The following PLCG2 variants were observed in gnomAD, a reference collection of about 807,000 sequenced individuals.
PLCG2 encodes phospholipase C gamma 2, also known as 1-phosphatidylinositol 4,5-bisphosphate phosphodiesterase gamma-2.
PLCG2 carries 69 observed loss-of-function variants against 175.6 expected under a neutral mutation model. That is an observed-to-expected ratio of 0.39 (90% confidence interval 0.32 to 0.48). The LOEUF is 0.48. Ranked by LOEUF, PLCG2 falls within the 20% of genes least tolerant of loss-of-function variation. The probability of loss-of-function intolerance (pLI) is 0.91; values close to 1 mark genes in which losing one functional copy is unlikely to be tolerated. For missense variants in PLCG2, 1,798 were observed against 1,650.9 expected (o/e 1.09, Z -1.54); for synonymous variants, 827 against 624.0 (o/e 1.33, Z -4.85).
chr16:81,875,523 G>C (rs953958291), intron 7 of PLCG2, among the ~76,000 whole-genome samples: 1 of 152,124 alleles, frequency 6.6e-6, no homozygotes, highest in Admixed American at 6.6e-5. Context: ...AGAGAGAATA[G>C]CGTAACAGAC....
intron 27 of PLCG2, 47 bp downstream of exon 27, chr16:81,936,425 C>T (rs777879166): frequency 6.6e-7 from 1 of 1,505,980 alleles, no homozygotes; most frequent in South Asian, 1.1e-5. Flanking sequence ...GTGGCGGTTG[C>T]AGTCACTCCA....
intron 5 of PLCG2, among the ~76,000 whole-genome samples, chr16:81,859,929 G>A (rs1906883420): frequency 6.6e-6 from 1 of 152,052 alleles, no homozygotes; most frequent in African/African-American, 2.4e-5. Context: ...GTACCTCTTG[G>A]AGAAGCTCCC....
At chr16:81,879,207 C>G (rs1002181153) in intron 7 of PLCG2, among the ~76,000 whole-genome samples, 9 of 152,178 alleles carry the variant, frequency 5.9e-5, no homozygotes, top group African/African-American at 2.2e-4. Flanking sequence ...TGTAAATAAG[C>G]TGGGTGTGGG....
At chr16:81,748,476 A>G (rs1217018819) in intron 1 of PLCG2, among the ~76,000 whole-genome samples, 1 of 152,132 alleles carries the variant, frequency 6.6e-6, no homozygotes, top group Non-Finnish European at 1.5e-5. Context: ...GGAAATGCTC[A>G]AAGACTGAGT....
At chr16:81,764,477 T>C (rs1331101042) in intron 2 of PLCG2, among the ~76,000 whole-genome samples, 1 of 152,188 alleles carries the variant, frequency 6.6e-6, no homozygotes, top group Non-Finnish European at 1.5e-5. Flanking sequence ...TGCCCACAGC[T>C]GGCATCTGAA....
intron 22 of PLCG2, 27 bp from the exon 23 acceptor site, chr16:81,927,055 G>GC (rs1333807547): frequency 4.7e-6 from 7 of 1,481,120 alleles, no homozygotes; most frequent in Admixed American, 3.3e-5. Context: ...TGGTGACAGC[G>GC]CCCCCATGTC....
intron 2 of PLCG2, among the ~76,000 whole-genome samples, chr16:81,847,629 G>T (rs762941383): frequency 1.3e-5 from 2 of 152,148 alleles, no homozygotes; most frequent in African/African-American, 2.4e-5. Context: ...TGTATTTGTG[G>T]ATTCTGCGTC....
At chr16:81,793,924 C>G (rs905381817) in intron 2 of PLCG2, among the ~76,000 whole-genome samples, 1 of 152,232 alleles carries the variant, frequency 6.6e-6, no homozygotes, top group Non-Finnish European at 1.5e-5. Context: ...CTTCTTCCTG[C>G]TCTGTGTTGT....
rs778586506 is a variant in PLCG2 at position 81,908,475 on chromosome 16, G to C, written c.1617G>C (p.Lys539Asn). ...GEKWFHKKVE[K>N]RTSAEKLLQE... ...AATGGTTCCACAAGAAGGTGGAGAA[G>C]AGGACGAGTGCCGAGAAGTTGCTGC... The change falls in exon 17 of 33, where the codon AAG becomes AAC. Residue 539 changes from lysine to asparagine, a missense_variant. Lys to Asn is a moderately conservative substitution (Grantham distance 94). Coordinates refer to ENST00000564138, the MANE Select transcript of PLCG2 (RefSeq NM_002661.5). 1.5e-5 allele frequency: 24 copies of C among 1,614,060 alleles called. No individual in the cohort carries two copies. Among genetic ancestry groups the C allele is most frequent in the Non-Finnish European group, 1.9e-5 (22 of 1,180,026 alleles).
chr16:81,757,209 A>G lies in PLCG2; in HGVS notation c.-48+1243A>G, dbSNP rs115118926. Among the ~76,000 whole-genome samples, 457 of 152,190 alleles carry G rather than the reference A, an allele frequency of 3.0e-3. 3 individuals carry two copies. Among genetic ancestry groups the G allele is most frequent in the African/African-American group, 0.01 (434 of 41,534 alleles). On this transcript the variant is annotated intron_variant, in intron 2 of 5. Transcript: ENST00000565054. Reference sequence around the variant, plus strand: ...CATCCACCCATCCGATCATTCAATCATCTCTTTATCCAATCATTCATCCAT... The same window carrying G: ...CATCCACCCATCCGATCATTCAATCGTCTCTTTATCCAATCATTCATCCAT...
intron 2 of PLCG2, among the ~76,000 whole-genome samples, chr16:81,794,486 A>T (rs1727540142): frequency 6.6e-6 from 1 of 152,234 alleles, no homozygotes; most frequent in Admixed American, 6.5e-5. Context: ...CCATAAATGT[A>T]TTTGCCTTTC....
At chr16:81,793,034 A>G (rs145702511) in intron 2 of PLCG2, among the ~76,000 whole-genome samples, 1 of 152,338 alleles carries the variant, frequency 6.6e-6, no homozygotes, top group East Asian at 1.9e-4. Context: ...ATATTGCATA[A>G]TCGAAACTTA....
chr16:81,930,929 G>A (rs1339004652), intron 24 of PLCG2, among the ~76,000 whole-genome samples: 1 of 152,068 alleles, frequency 6.6e-6, no homozygotes, highest in African/African-American at 2.4e-5. Context: ...TTTTTAAAAT[G>A]AACATGTATT....
intron 2 of PLCG2, among the ~76,000 whole-genome samples, chr16:81,828,232 GTCA>G (rs1905122236): frequency 7.6e-6 from 1 of 132,138 alleles, no homozygotes; most frequent in African/African-American, 2.9e-5. Flanking sequence ...GTTGAGAAAT[GTCA>G]TTTTTTTTTT....
At chr16:81,936,016 C>T in intron 26 of PLCG2, 153 bp from the exon 27 acceptor site, 4 of 985,272 alleles carry the variant, frequency 4.1e-6, no homozygotes, top group Non-Finnish European at 4.8e-6. Context: ...ACAGTGATAC[C>T]AATTGGGACA....
intron 2 of PLCG2, chr16:81,798,369 G>C (rs1467361510): frequency 6.6e-6 from 1 of 152,276 alleles, no homozygotes; most frequent in Non-Finnish European, 1.5e-5. Flanking sequence ...TCCTCCTCCT[G>C]CTCTTCTGTA....
intron 7 of PLCG2, among the ~76,000 whole-genome samples, chr16:81,877,135 G>A (rs1907829947): frequency 6.6e-6 from 1 of 152,190 alleles, no homozygotes; most frequent in South Asian, 2.1e-4. Flanking sequence ...GGGCCGCTGT[G>A]GCAAGTACTG....
chr16:81,887,408 C>T (rs1416663806), intron 9 of PLCG2, among the ~76,000 whole-genome samples: 1 of 152,186 alleles, frequency 6.6e-6, no homozygotes, highest in Non-Finnish European at 1.5e-5. Context: ...CATGAGCCAC[C>T]ACGCCCGGCC....
chr16:81,857,354 G>T (rs1176417506), intron 3 of PLCG2, among the ~76,000 whole-genome samples: 1 of 152,222 alleles, frequency 6.6e-6, no homozygotes, highest in Non-Finnish European at 1.5e-5. Flanking sequence ...CCTGGAGTCA[G>T]TGTGCTGCCA....
Sources: allele counts gnomAD v4.1 joint callset (sites outside exome capture counted in the v4.1 genomes callset), GRCh38; gene constraint gnomAD v4.1.1; transcripts MANE v1.5; gene names NCBI Gene and HGNC (gene_info 2026-07-23, HGNC 2026-07-21).